The following RNF111 variants were observed in gnomAD, a reference collection of about 807,000 sequenced individuals.
The protein encoded by RNF111 is ring finger protein 111.
A neutral mutation model predicts 95.1 loss-of-function variants in RNF111; 17 were observed. The ratio of observed to expected loss-of-function variants is 0.18; its 90% CI spans 0.12 to 0.27. RNF111 has a LOEUF of 0.27. Among genes scored for constraint, RNF111 ranks in the 10% least tolerant of loss-of-function variants. The pLI is 1.00. For synonymous variants in RNF111, 440 were observed against 414.8 expected (o/e 1.06, Z -0.74); for missense variants, 1,189 against 1,210.4 (o/e 0.98, Z 0.26).
At chr15:59,021,775 T>C (rs1456775363) in intron 1 of RNF111, among the ~76,000 whole-genome samples, 2 of 152,232 alleles carry the variant, frequency 1.3e-5, no homozygotes, top group Non-Finnish European at 2.9e-5. Flanking sequence ...TCAGTATTCA[T>C]TGAATATTTC....
chr15:58,990,990 A>G (rs116971019), intron 1 of RNF111, among the ~76,000 whole-genome samples: 1,869 of 152,152 alleles, frequency 0.012, 34 homozygotes, highest in East Asian at 0.038. Context: ...AATTACAAAT[A>G]TTTAAAGACA....
chr15:59,035,135 TACTC>T (rs1184143013), intron 2 of RNF111, among the ~76,000 whole-genome samples: 25 of 152,276 alleles, frequency 1.6e-4, no homozygotes, highest in African/African-American at 6.0e-4. Context: ...TTGTGAGACT[TACTC>T]ACTACCATGA....
intron 1 of RNF111, among the ~76,000 whole-genome samples, chr15:59,006,931 G>A (rs955504958): frequency 3.9e-5 from 6 of 152,036 alleles, no homozygotes; most frequent in African/African-American, 7.2e-5. Context: ...GATTGCAGGC[G>A]CCCGCTACCA....
At position 59,080,804 on chromosome 15, in the gene RNF111, ATACTT is replaced by A. The variant is rs2078718295; in HGVS notation, c.1949-126_1949-122del. ...GCAAGTTGCTTGAGCAGTTGCTTGA[ATACTT>A]TACTTGATAAAGTATTCATAAAAAT... On this transcript the variant is annotated intron_variant, in intron 7 of 13. Transcript: ENST00000348370. The A allele has an allele frequency of 4.3e-6, 3 of 704,590 alleles. No individual in the cohort carries two copies. In the South Asian group the frequency reaches 6.3e-5, roughly 15 times the overall value. The allele number at this position is 704,590 out of a possible 1,614,324, so 43.6% of individuals were successfully genotyped here.
At chr15:59,030,071 G>A (rs1251620390) in intron 1 of RNF111, among the ~76,000 whole-genome samples, 5 of 152,034 alleles carry the variant, frequency 3.3e-5, no homozygotes, top group African/African-American at 1.2e-4. Flanking sequence ...TTGGCAGCTC[G>A]TAATTTAAGA....
intron 9 of RNF111, among the ~76,000 whole-genome samples, chr15:59,085,307 G>GT (rs2078865958): frequency 6.6e-6 from 1 of 152,182 alleles, no homozygotes. Context: ...GAGAGCATCT[G>GT]TAACATTCAG....
At chr15:58,999,148 T>C (rs2039217389) in intron 1 of RNF111, among the ~76,000 whole-genome samples, 2 of 152,200 alleles carry the variant, frequency 1.3e-5, no homozygotes. Flanking sequence ...GAAACTGGAT[T>C]TTCTTATAAT....
At chr15:58,997,516 TAA>T (rs11337128) in intron 1 of RNF111, among the ~76,000 whole-genome samples, 164 of 142,224 alleles carry the variant, frequency 1.2e-3, no homozygotes, top group African/African-American at 1.5e-3. Context: ...CATTTGCAGT[TAA>T]AAAAAAAAAA....
intron 1 of RNF111, among the ~76,000 whole-genome samples, chr15:59,014,519 T>C (rs1432669666): frequency 6.6e-6 from 1 of 152,190 alleles, no homozygotes; most frequent in Non-Finnish European, 1.5e-5. Context: ...TGCTGTGGAA[T>C]TATAGAAAGC....
chr15:58,992,602 G>A (rs1307052843), intron 1 of RNF111, among the ~76,000 whole-genome samples: 1 of 152,138 alleles, frequency 6.6e-6, no homozygotes, highest in Admixed American at 6.5e-5. Flanking sequence ...TGGATTGCTT[G>A]AGCCCAGGAG....
At chr15:59,003,073 G>T (rs1208433235) in intron 1 of RNF111, among the ~76,000 whole-genome samples, 1 of 152,138 alleles carries the variant, frequency 6.6e-6, no homozygotes, top group Non-Finnish European at 1.5e-5. Flanking sequence ...GCTTACTGCA[G>T]CCTTGAACTC....
Position 59,081,206 on chromosome 15 carries a change from C to G in RNF111, c.2219C>G (p.Pro740Arg). Reference protein sequence around the residue: ...PISHHIPATAPPAQRLHPHEV... With the variant: ...PISHHIPATARPAQRLHPHEV... ...TCGCACCATATTCCAGCCACAGCAC[C>G]TCCAGCACAGAGACTGCATCCTCAT... The change falls in exon 8 of 14, where the codon CCT (proline) becomes CGT (arginine). Residue 740 changes from proline (P) to arginine (R), a missense_variant. This residue lies in a region of RNF111 where 1,024 missense variants were observed against 925.9 expected (regional missense o/e 1.11). Coordinates refer to ENST00000348370, the MANE Select transcript of RNF111 (RefSeq NM_017610.8). The G allele has an allele frequency of 6.2e-7, 1 of 1,614,216 alleles. No homozygotes were observed.
At chr15:59,048,048 G>A (rs8030323) in intron 2 of RNF111, among the ~76,000 whole-genome samples, 44,156 of 152,064 alleles carry the variant, frequency 0.29, 6,542 homozygotes, top group East Asian at 0.41. Flanking sequence ...AAACAATTTG[G>A]CAGTTCCTTA....
At chr15:59,018,568 A>G (rs1487941123) in intron 1 of RNF111, among the ~76,000 whole-genome samples, 4 of 152,204 alleles carry the variant, frequency 2.6e-5, no homozygotes, top group Non-Finnish European at 4.4e-5. Context: ...AACAAACTAT[A>G]TATACAGAAA....
Position 59,030,836 on chromosome 15 carries a change from C to T in RNF111, c.14C>T (p.Thr5Ile), listed in dbSNP as rs965316774. ...TTAAAGTTTCCCATGTCTCAATGGA[C>T]TCCTGAATATAACGAGCTCTACACC... The part of the protein sequence containing the change: MSQW[T>I]PEYNELYTLK... Residue 5 changes from threonine (T) to isoleucine (I), a missense_variant, in exon 2 of 14, where the codon ACT becomes ATT. By Grantham distance (89) the Thr-to-Ile change is moderately conservative. Coordinates refer to ENST00000348370, the MANE Select transcript of RNF111 (RefSeq NM_017610.8). 1 of 1,560,400 alleles carries T rather than the reference C, an allele frequency of 6.4e-7. No individual in the cohort carries two copies. The highest frequency in any genetic ancestry group is 8.6e-7 in the Non-Finnish European group (1 of 1,156,802).
chr15:59,067,094 T>G lies in RNF111; in HGVS notation c.1686+11T>G. On this transcript the variant is annotated intron_variant, in intron 6 of 13. Coordinates refer to ENST00000348370, the MANE Select transcript of RNF111 (RefSeq NM_017610.8). ...AGCTATCATGAACAGGTATGTGGAA[T>G]TTGAGTCAGTCTTTCTTTCCTGCCC... is the stretch of plus-strand genomic sequence containing the variant. 1 of 1,606,022 alleles carries G rather than the reference T, an allele frequency of 6.2e-7. No homozygotes were observed. Among genetic ancestry groups the G allele is most frequent in the Non-Finnish European group, 8.5e-7 (1 of 1,173,898 alleles).
At chr15:59,061,677 C>T (rs2042444517) in intron 5 of RNF111, among the ~76,000 whole-genome samples, 1 of 152,166 alleles carries the variant, frequency 6.6e-6, no homozygotes, top group Admixed American at 6.5e-5. Flanking sequence ...TATCTGTGCT[C>T]TACCTCTTAT....
At chr15:59,040,201 G>T (rs1296642244) in intron 2 of RNF111, among the ~76,000 whole-genome samples, 1 of 151,590 alleles carries the variant, frequency 6.6e-6, no homozygotes, top group African/African-American at 2.4e-5. Context: ...TTGCAGACTT[G>T]ACCTCCTGGG....
intron 1 of RNF111, among the ~76,000 whole-genome samples, chr15:59,030,576 C>T (rs1288490121): frequency 6.6e-6 from 1 of 152,106 alleles, no homozygotes; most frequent in African/African-American, 2.4e-5. Context: ...TAGGCTTATG[C>T]TCTATATCTA....
Sources: allele counts gnomAD v4.1 joint callset (sites outside exome capture counted in the v4.1 genomes callset), GRCh38; gene constraint gnomAD v4.1.1; regional missense constraint gnomAD v4.1.1; transcripts MANE v1.5; gene names NCBI Gene and HGNC (gene_info 2026-07-23, HGNC 2026-07-21).